PLEKHD1: variants seen among roughly 807,000 people sequenced by gnomAD.
The protein encoded by PLEKHD1 is pleckstrin homology domain-containing family D member 1.
A neutral mutation model predicts 69.2 loss-of-function variants in PLEKHD1; 51 were observed. The ratio of observed to expected loss-of-function variants is 0.74; its 90% confidence interval spans 0.59 to 0.93. The LOEUF (loss-of-function observed/expected upper bound fraction) is 0.93. PLEKHD1 is among the 40% of genes least tolerant of loss of function. The probability of loss-of-function intolerance (pLI) is 0.00; values close to 1 mark genes in which losing one functional copy is unlikely to be tolerated. For missense variants in PLEKHD1, 584 were observed against 641.0 expected (o/e 0.91, Z 0.96); for synonymous variants, 236 against 244.7 (o/e 0.96, Z 0.33).
At chr14:69,519,682 A>T in intron 6 of PLEKHD1, among the ~76,000 whole-genome samples, 1 of 152,166 alleles carries the variant, frequency 6.6e-6, no homozygotes, top group East Asian at 1.9e-4. Flanking sequence ...GAGGGAAGGA[A>T]TGGGTTTTAA....
At position 69,502,810 on chromosome 14, in the gene PLEKHD1, T is replaced by C. The variant is rs764507719; in HGVS notation, c.503-17T>C. On this transcript the variant is annotated splice_polypyrimidine_tract_variant and intron_variant, in intron 5 of 12. Coordinates refer to ENST00000322564, the MANE Select transcript of PLEKHD1 (RefSeq NM_001161498.2). ...CTGATTGTGTGTGCATGTGTGTGTGTGTGCTTGTTTTGGCAGACAAACTGA... is the reference window on the plus strand; with the variant it reads ...CTGATTGTGTGTGCATGTGTGTGTGCGTGCTTGTTTTGGCAGACAAACTGA... 5.2e-6 allele frequency: 8 copies of C among 1,551,524 alleles called. No homozygotes were observed. The East Asian group carries it at 7.3e-5, about 14-fold the overall frequency.
chr14:69,525,864 C>G (rs577833732), intron 8 of PLEKHD1, 80 bp from the exon 9 acceptor site: 1 of 1,373,160 alleles, frequency 7.3e-7, no homozygotes, highest in South Asian at 1.4e-5. Context: ...GTCACTCCCC[C>G]AAACGGAAAA....
chr14:69,515,786 C>T (rs997984245), intron 6 of PLEKHD1, among the ~76,000 whole-genome samples: 3 of 152,114 alleles, frequency 2.0e-5, no homozygotes, highest in Admixed American at 1.3e-4. Flanking sequence ...AGGGGATGAC[C>T]CAAGCTATTT....
At chr14:69,505,395 T>C (rs1308727115) in intron 6 of PLEKHD1, among the ~76,000 whole-genome samples, 1 of 152,222 alleles carries the variant, frequency 6.6e-6, no homozygotes, top group African/African-American at 2.4e-5. Context: ...TGCACTCAGG[T>C]CAGAGATTGT....
intron 11 of PLEKHD1, 136 bp downstream of exon 11, chr14:69,527,468 T>C: frequency 1.6e-6 from 2 of 1,282,328 alleles, no homozygotes; most frequent in East Asian, 5.0e-5. Flanking sequence ...GGGTTTCTTC[T>C]CCAGTTACCT....
intron 1 of PLEKHD1, among the ~76,000 whole-genome samples, chr14:69,496,702 A>ATT (rs375368521): frequency 0.16 from 18,469 of 112,708 alleles, 1,618 homozygotes; most frequent in Non-Finnish European, 0.19. Flanking sequence ...TGCCCAGCTA[A>ATT]TTTTTTTTTT....
At chr14:69,519,388 G>T (rs1883458136) in intron 6 of PLEKHD1, among the ~76,000 whole-genome samples, 1 of 152,020 alleles carries the variant, frequency 6.6e-6, no homozygotes, top group African/African-American at 2.4e-5. Context: ...GACTTTAATT[G>T]CCTTTAAAGT....
intron 1 of PLEKHD1, among the ~76,000 whole-genome samples, chr14:69,492,473 G>T (rs1233716491): frequency 6.6e-6 from 1 of 152,196 alleles, no homozygotes; most frequent in Non-Finnish European, 1.5e-5. Flanking sequence ...GTGTTGTAAA[G>T]TTACAGTGTA....
the PLEKHD1 span, among the ~76,000 whole-genome samples, chr14:69,478,553 C>T: frequency 6.6e-6 from 1 of 152,216 alleles, no homozygotes; most frequent in Non-Finnish European, 1.5e-5. Flanking sequence ...TGCTTTGCTA[C>T]TTAGAGATTT....
intron 1 of PLEKHD1, among the ~76,000 whole-genome samples, chr14:69,492,551 C>T (rs1882799487): frequency 6.6e-6 from 1 of 152,188 alleles, no homozygotes; most frequent in Admixed American, 6.5e-5. Flanking sequence ...TACCCTGGAG[C>T]TTTACAATGT....
At chr14:69,503,825 T>C (rs1883090195) in intron 6 of PLEKHD1, 1 of 145,564 alleles carries the variant, frequency 6.9e-6, no homozygotes, top group Non-Finnish European at 1.5e-5. Context: ...GATTGTGCCA[T>C]TGCATTTCAG....
chr14:69,480,245 A>C (rs1882518849), upstream of PLEKHD1, among the ~76,000 whole-genome samples: 1 of 152,208 alleles, frequency 6.6e-6, no homozygotes, highest in African/African-American at 2.4e-5. Context: ...AAGGGGTTCC[A>C]TGGATGACAC....
intron 1 of PLEKHD1, among the ~76,000 whole-genome samples, chr14:69,499,233 A>G (rs1594978364): frequency 1.7e-5 from 1 of 58,148 alleles, no homozygotes; most frequent in African/African-American, 7.5e-5. Context: ...GTGCACACAC[A>G]CACACACACA....
chr14:69,527,150 A>G lies in PLEKHD1; in HGVS notation c.1057-38A>G, dbSNP rs956891462. The G allele has an allele frequency of 2.0e-6, 3 of 1,500,174 alleles. No individual in the cohort carries two copies. In the Admixed American group the frequency reaches 7.0e-5, roughly 35 times the overall value. 92.9% of individuals were successfully genotyped at this position (1,500,174 alleles called of 1,614,324 possible). On this transcript the variant is annotated intron_variant, in intron 10 of 12. Coordinates refer to ENST00000322564, the MANE Select transcript of PLEKHD1 (RefSeq NM_001161498.2). ...AGGGAAGATGGCAGCTACTTCCAGGACCTGACTTCCTTCTCATTTCCCTCT... is the reference window on the plus strand; with the variant it reads ...AGGGAAGATGGCAGCTACTTCCAGGGCCTGACTTCCTTCTCATTTCCCTCT...
chr14:69,481,155 A>G (rs1428827539), upstream of PLEKHD1, among the ~76,000 whole-genome samples: 1 of 152,302 alleles, frequency 6.6e-6, no homozygotes, highest in African/African-American at 2.4e-5. Context: ...ATCTCTTAAA[A>G]TAAATAAATA....
intron 1 of PLEKHD1, among the ~76,000 whole-genome samples, chr14:69,493,735 C>T (rs1331097187): frequency 3.9e-5 from 6 of 152,208 alleles, no homozygotes; most frequent in East Asian, 1.9e-4. Context: ...TGGCACCCTG[C>T]GAATGCTCTT....
upstream of PLEKHD1, among the ~76,000 whole-genome samples, chr14:69,480,831 T>G (rs1594968611): frequency 6.6e-6 from 1 of 152,298 alleles, no homozygotes; most frequent in Non-Finnish European, 1.5e-5. Flanking sequence ...TTCTGTATTT[T>G]CAGCAGAGAT....
chr14:69,484,448 A>C (rs1334889895), upstream of PLEKHD1, among the ~76,000 whole-genome samples: 1 of 152,024 alleles, frequency 6.6e-6, no homozygotes, highest in African/African-American at 2.4e-5. Flanking sequence ...GCTCGCCGAG[A>C]GGGACCCCGG....
intron 8 of PLEKHD1, 105 bp downstream of exon 8, chr14:69,524,427 A>C: frequency 1.0e-6 from 1 of 963,736 alleles, no homozygotes; most frequent in South Asian, 1.5e-5. Context: ...GATCTGTAAG[A>C]GAAATGGGCA....
Sources: allele counts gnomAD v4.1 joint callset (sites outside exome capture counted in the v4.1 genomes callset), GRCh38; gene constraint gnomAD v4.1.1; transcripts MANE v1.5; gene names NCBI Gene and HGNC (gene_info 2026-07-23, HGNC 2026-07-21).